The following ZBTB49 variants were observed in gnomAD, a reference collection of about 807,000 sequenced individuals.
ZBTB49 encodes zinc finger and BTB domain-containing protein 49.
In ZBTB49, 43 loss-of-function variants were observed where a neutral mutation model predicts 57.5. The ratio of observed to expected loss-of-function variants is 0.75; its 90% confidence interval spans 0.59 to 0.97. ZBTB49 has a LOEUF of 0.97. ZBTB49 is among the 50% of genes least tolerant of loss of function. ZBTB49 has a pLI of 0.00. For synonymous variants in ZBTB49, 369 were observed against 362.1 expected, an observed-to-expected ratio of 1.02 and a Z score of -0.22; for missense variants, 938 against 947.7, an observed-to-expected ratio of 0.99 and a Z score of 0.13.
At chr4:4,315,589 C>T (rs1336250180) in intron 5 of ZBTB49, 47 bp from the exon 6 acceptor site, 1 of 1,586,866 alleles carries the variant, frequency 6.3e-7, no homozygotes, top group South Asian at 1.1e-5. Flanking sequence ...TAAAGACCCA[C>T]AGTAATGTGG....
intron 5 of ZBTB49, 95 bp downstream of exon 5, chr4:4,313,209 G>A: frequency 6.9e-7 from 1 of 1,453,168 alleles, no homozygotes; most frequent in Non-Finnish European, 9.4e-7. Flanking sequence ...GCTCACAGAT[G>A]AGCCACAGGT....
intron 2 of ZBTB49, 24 bp from the exon 3 acceptor site, chr4:4,301,965 A>T: frequency 6.7e-7 from 1 of 1,486,908 alleles, no homozygotes; most frequent in South Asian, 1.5e-5. Context: ...TGGCACTGTA[A>T]ACAGATATTC....
In ZBTB49 at chr4:4,293,711, C is replaced by A. The variant is rs370526661; in HGVS notation, c.-20+3359C>A. On this transcript the variant is annotated intron_variant, in intron 1 of 7. Coordinates refer to ENST00000337872, the MANE Select transcript of ZBTB49 (RefSeq NM_145291.4). ...CAGTGGCATTCAGTTGGAGGAGGGG[C>A]CAGCCTGGAGAGGTCAGGATGGCTT... Among the ~76,000 whole-genome samples the A allele has an allele frequency of 1.1e-4, 16 of 152,334 alleles. No individual in the cohort carries two copies. The East Asian group carries it at 1.2e-3, about 11-fold the overall frequency.
intron 4 of ZBTB49, among the ~76,000 whole-genome samples, chr4:4,310,255 C>T (rs1003310733): frequency 2.6e-5 from 4 of 152,118 alleles, no homozygotes; most frequent in Admixed American, 6.6e-5. Context: ...CTGCTAATAT[C>T]GTTAACATAG....
At chr4:4,301,579 T>G (rs1720473609) in intron 2 of ZBTB49, among the ~76,000 whole-genome samples, 3 of 152,174 alleles carry the variant, frequency 2.0e-5, no homozygotes. Context: ...TTTTGTGTAC[T>G]CTATTAGTAT....
intron 1 of ZBTB49, among the ~76,000 whole-genome samples, chr4:4,295,853 T>C (rs1368578912): frequency 6.6e-6 from 1 of 152,104 alleles, no homozygotes; most frequent in Non-Finnish European, 1.5e-5. Context: ...AAGGTCTCGA[T>C]TTGATAGGTG....
intron 1 of ZBTB49, among the ~76,000 whole-genome samples, chr4:4,297,860 TA>T (rs1720287835): frequency 6.6e-6 from 1 of 151,066 alleles, no homozygotes; most frequent in Non-Finnish European, 1.5e-5. Flanking sequence ...CAGGTATAAG[TA>T]AAGTATTCTC....
At chr4:4,291,312 G>A (rs1240657883) in intron 1 of ZBTB49, among the ~76,000 whole-genome samples, 1 of 152,194 alleles carries the variant, frequency 6.6e-6, no homozygotes, top group Non-Finnish European at 1.5e-5. Flanking sequence ...TTCTTGCTGT[G>A]TCCTCGCATG....
intron 1 of ZBTB49, among the ~76,000 whole-genome samples, chr4:4,296,155 C>A (rs2916427): frequency 0.72 from 109,384 of 152,032 alleles, 41,497 homozygotes; most frequent in Non-Finnish European, 0.83. Context: ...AGTTCTGGGA[C>A]AGGAGGGATT....
chr4:4,300,193 ATCTT>A, intron 2 of ZBTB49, 96 bp downstream of exon 2: 1 of 1,348,352 alleles, frequency 7.4e-7, no homozygotes, highest in Admixed American at 2.2e-5. Flanking sequence ...GGATTTCACT[ATCTT>A]TATCTTTTAT....
At position 4,315,952 on chromosome 4, in the gene ZBTB49, T is replaced by C. The variant is rs756082887; in HGVS notation, c.1603T>C (p.Tyr535His). The stretch of plus-strand genomic sequence containing the variant: ...AATTCGGCACACGGGGGAGCGGCCT[T>C]ACAGCTGCTCTGCCTGCGGTGAGTT... ...HRIRHTGERPYSCSACGKCFG... is the reference protein window; with the variant it reads ...HRIRHTGERPHSCSACGKCFG... The change falls in exon 7 of 8, where the codon TAC (tyrosine) becomes CAC (histidine). Residue 535 changes from tyrosine (Y) to histidine (H), a missense_variant. Around this residue, in one of 3 missense-constraint regions of ZBTB49, gnomAD observed 835 missense variants for 819.1 expected, o/e 1.02. Transcript: ENST00000337872. The C allele has an allele frequency of 1.2e-6, 2 of 1,614,000 alleles. No homozygotes were observed. The highest frequency in any genetic ancestry group is 2.2e-5 in the South Asian group (2 of 91,076).
Position 4,302,705 on chromosome 4 carries a change from C to A in ZBTB49, c.869C>A (p.Ser290Ter). 1.2e-6 allele frequency: 2 copies of A among 1,613,068 alleles called. No individual in the cohort carries two copies. Among genetic ancestry groups the A allele is most frequent in the South Asian group, 2.2e-5 (2 of 90,872 alleles). Residue 290 changes from serine (S) to a stop codon, truncating the protein, a stop_gained, in exon 3 of 8, where the codon TCA becomes TAA. Transcript: ENST00000337872. LOFTEE classifies it high-confidence loss of function. Reference protein sequence around the residue: ...PVNDSAPHPESDATCQQPVKQ... With the variant: ...PVNDSAPHPE ...AATGACTCTGCCCCACACCCTGAGT[C>A]AGACGCCACATGCCAACAACCTGTC...
chr4:4,302,721 A>G lies in ZBTB49; in HGVS notation c.885A>G (p.Gln295=). The G allele has an allele frequency of 6.2e-7, 1 of 1,613,724 alleles. No homozygotes were observed. Among genetic ancestry groups the G allele is most frequent in the South Asian group, 1.1e-5 (1 of 91,012 alleles). Residue 295 remains glutamine, a synonymous_variant, in exon 3 of 8, where the codon CAA becomes CAG. Transcript: ENST00000337872. ...ACCCTGAGTCAGACGCCACATGCCA[A>G]CAACCTGTCAAGCAGATGAGGCTCA... The part of the protein sequence containing the change: ...APHPESDATC[Q]QPVKQMRLKK...
In ZBTB49 at chr4:4,313,055, G is replaced by A. The variant is rs1347968564; in HGVS notation, c.1317G>A (p.Gln439=). The A allele has an allele frequency of 1.9e-6, 3 of 1,614,100 alleles. No individual in the cohort carries two copies. Among genetic ancestry groups the A allele is most frequent in the Non-Finnish European group, 2.5e-6 (3 of 1,180,038 alleles). The change falls in exon 5 of 8, where the codon CAG becomes CAA. Residue 439 remains glutamine, a synonymous_variant. Coordinates refer to ENST00000337872, the MANE Select transcript of ZBTB49 (RefSeq NM_145291.4). ...TCTTTTTGCAGGCAGGTAACTTGCA[G>A]ACTCACTTACGACGGCATTCTGGTG... is the stretch of plus-strand genomic sequence containing the variant. ...GKHFSQAGNL[Q]THLRRHSGEK...
At chr4:4,293,636 G>T (rs1720049586) in intron 1 of ZBTB49, among the ~76,000 whole-genome samples, 1 of 152,324 alleles carries the variant, frequency 6.6e-6, no homozygotes, top group Non-Finnish European at 1.5e-5. Context: ...ATTCAGGCAG[G>T]TGTCAGCTGA....
At position 4,302,336 on chromosome 4, in the gene ZBTB49, A is replaced by G; in HGVS notation, c.500A>G (p.Asn167Ser). The G allele has an allele frequency of 1.2e-6, 2 of 1,614,244 alleles. No homozygotes were observed. The highest frequency in any genetic ancestry group is 1.7e-6 in the Non-Finnish European group (2 of 1,180,040). ...LQECSADAQQ[N>S]KTLDESHPHA... ...GAATGTTCAGCAGATGCACAGCAGA[A>G]CAAAACGTTGGATGAATCGCATCCG... is the stretch of plus-strand genomic sequence containing the variant. Residue 167 changes from asparagine to serine, a missense_variant, in exon 3 of 8, where the codon AAC becomes AGC. Asn to Ser is a conservative substitution (Grantham distance 46). Transcript: ENST00000337872.
intron 2 of ZBTB49, 109 bp from the exon 3 acceptor site, chr4:4,301,880 A>G (rs1720486468): frequency 9.0e-7 from 1 of 1,112,554 alleles, no homozygotes. Context: ...AAAAGTTTTG[A>G]CATTCACAGA....
At chr4:4,303,153 T>C in intron 3 of ZBTB49, 62 bp downstream of exon 3, 1 of 1,453,906 alleles carries the variant, frequency 6.9e-7, no homozygotes, top group African/African-American at 1.4e-5. Context: ...CAGACACCAC[T>C]GGCTCTTCTT....
In ZBTB49 at chr4:4,321,442, C is replaced by T; in HGVS notation, c.*126C>T. On this transcript the variant is annotated 3_prime_UTR_variant, in exon 8 of 8. Coordinates refer to ENST00000337872, the MANE Select transcript of ZBTB49 (RefSeq NM_145291.4). ...AGCCAGAGAATAGGTAGCTTCCCTC[C>T]TGATGATGGCTCATAATCTGAAGCA... is the stretch of plus-strand genomic sequence containing the variant. The T allele has an allele frequency of 1.0e-6, 1 of 984,884 alleles. No homozygotes were observed. Among genetic ancestry groups the T allele is most frequent in the South Asian group, 1.5e-5 (1 of 65,094 alleles). 61.0% of individuals were successfully genotyped at this position (984,884 alleles called of 1,614,324 possible). A position where few individuals can be genotyped will look rare whatever the true frequency, so the allele number is the denominator to read the frequency against.
Sources: allele counts gnomAD v4.1 joint callset (sites outside exome capture counted in the v4.1 genomes callset), GRCh38; gene constraint gnomAD v4.1.1; regional missense constraint gnomAD v4.1.1; transcripts MANE v1.5; gene names NCBI Gene and HGNC (gene_info 2026-07-23, HGNC 2026-07-21).